The following NEU4 variants were observed in gnomAD, a reference collection of about 807,000 sequenced individuals.
NEU4 encodes sialidase-4.
NEU4 carries 7 observed loss-of-function variants against 9.9 expected under a neutral mutation model. The observed-to-expected ratio is 0.71, with a 90% CI of 0.40 to 1.33. The LOEUF is 1.33. Among genes scored for constraint, NEU4 ranks in the 40% most tolerant of loss-of-function variants. The pLI is 0.01. For synonymous variants in NEU4, 348 were observed against 316.9 expected, an observed-to-expected ratio of 1.10 and a Z score of -1.04; for missense variants, 717 against 712.6, an observed-to-expected ratio of 1.01 and a Z score of -0.07.
At chr2:241,810,740 G>T (rs1007535994) in intron 1 of NEU4, 5 of 155,674 alleles carry the variant, frequency 3.2e-5, no homozygotes, top group Admixed American at 2.0e-4. Context: ...GGACAGGCTG[G>T]GGGCAGGCCA....
At chr2:241,811,049 G>T in intron 1 of NEU4, 4 of 1,103,236 alleles carry the variant, frequency 3.6e-6, no homozygotes, top group Non-Finnish European at 4.4e-6. Flanking sequence ...AAGCCCAGAG[G>T]AGAGTGTGCA....
intron 1 of NEU4, chr2:241,813,599 A>G (rs1009319977): frequency 1.3e-5 from 15 of 1,179,096 alleles, no homozygotes; most frequent in Admixed American, 9.3e-5. Flanking sequence ...GTTGCCTGGG[A>G]GCAAACTCCC....
chr2:241,815,672 C>A, intron 3 of NEU4: 1 of 530,092 alleles, frequency 1.9e-6, no homozygotes, highest in Non-Finnish European at 3.7e-6. Context: ...ACAACTTTCC[C>A]TCCACCCCAT....
Position 241,814,640 on chromosome 2 carries a change from C to T in NEU4, c.156C>T (p.His52=). 1 of 1,588,660 alleles carries T rather than the reference C, an allele frequency of 6.3e-7. No individual in the cohort carries two copies. The highest frequency in any genetic ancestry group is 8.6e-7 in the Non-Finnish European group (1 of 1,168,788). The part of the protein sequence containing the change: ...QRLSPDDSHA[H]RLVLRRGTLA... ...TCAGCCCTGACGACTCCCACGCCCA[C>T]CGCCTGGTGCTGAGGAGGGGCACGC... Residue 52 remains histidine, a synonymous_variant, in exon 2 of 4, where the codon CAC becomes CAT. Coordinates refer to ENST00000407683, the MANE Select transcript of NEU4 (RefSeq NM_001167600.3).
At chr2:241,810,635 G>A (rs1402409463) in intron 1 of NEU4, 1 of 153,214 alleles carries the variant, frequency 6.5e-6, no homozygotes, top group East Asian at 1.9e-4. Flanking sequence ...TTCTGGCCTG[G>A]GCAGTGGTCA....
rs1413545645 is a variant in NEU4, at chr2:241,814,563, C to T, written c.79C>T (p.Leu27=). The T allele has an allele frequency of 1.2e-6, 2 of 1,612,498 alleles. No homozygotes were observed. Among genetic ancestry groups the T allele is most frequent in the East Asian group, 4.5e-5 (2 of 44,890 alleles). Residue 27 remains leucine, a synonymous_variant, in exon 2 of 4, where the codon CTG becomes TTG. Transcript: ENST00000407683. ...RTGLTYRVPS[L]LPVPPGPTLL... ...GGGCCTGACCTACCGCGTGCCCTCG[C>T]TGCTCCCCGTGCCCCCCGGGCCCAC...
At chr2:241,811,534 T>G (rs1700116648) in intron 1 of NEU4, 2 of 1,323,216 alleles carry the variant, frequency 1.5e-6, no homozygotes, top group Non-Finnish European at 2.0e-6. Context: ...GACCCGCTCC[T>G]GAGGTATCTG....
In NEU4 at chr2:241,817,319, C is replaced by T. The variant is rs1386233409; in HGVS notation, c.*271C>T. 4 of 457,934 alleles carry T rather than the reference C, an allele frequency of 8.7e-6. No homozygotes were observed. Among genetic ancestry groups the T allele is most frequent in the East Asian group, 6.7e-5 (2 of 29,908 alleles). The allele number at this position is 457,934 out of a possible 1,614,324, so 28.4% of individuals were successfully genotyped here. On this transcript the variant is annotated 3_prime_UTR_variant, in exon 4 of 4. Transcript: ENST00000407683. ...TCCCTTCCGAGGCTGCAGGGCCAGG[C>T]GCGGGACCGCAGGTAGCCCAGGGTG...
Position 241,814,362 on chromosome 2 carries a change from G to A in NEU4, c.-3-120G>A, listed in dbSNP as rs188105124. ...GACCCCAAGGTGGGTACAGGAAGAG[G>A]CCCAGGTGTGGGCAGGAGCTGTCTG... On this transcript the variant is annotated intron_variant, in intron 1 of 3. Coordinates refer to ENST00000407683, the MANE Select transcript of NEU4 (RefSeq NM_001167600.3). 54 of 925,522 alleles carry A rather than the reference G, an allele frequency of 5.8e-5. 2 individuals are homozygous for A. The highest frequency in any genetic ancestry group is 1.7e-6 in the Non-Finnish European group (1 of 601,522). 57.3% of individuals were successfully genotyped at this position (925,522 alleles called of 1,614,324 possible).
Position 241,816,381 on chromosome 2 carries a change from C to T in NEU4, c.788C>T (p.Ala263Val), listed in dbSNP as rs1700340941. 1 of 1,596,372 alleles carries T rather than the reference C, an allele frequency of 6.3e-7. No homozygotes were observed. Among genetic ancestry groups the T allele is most frequent in the African/African-American group, 1.3e-5 (1 of 74,574 alleles). ...GACGAGGGCACCTCCTTCCTGCCCG[C>T]AGAGCGCGTGGCTTCCCTGCCCGAG... ...STDEGTSFLP[A>V]ERVASLPETA... Residue 263 changes from alanine to valine, a missense_variant, in exon 4 of 4, where the codon GCA becomes GTA. By Grantham distance (64) the Ala-to-Val change is moderately conservative. Coordinates refer to ENST00000407683, the MANE Select transcript of NEU4 (RefSeq NM_001167600.3).
chr2:241,813,672 C>T lies in NEU4; in HGVS notation c.-3-810C>T, dbSNP rs950456749. On this transcript the variant is annotated intron_variant, in intron 1 of 3. Transcript: ENST00000407683. ...TGATTCCTGTGGGCGCTTCTCAGGT[C>T]AGGGCCCTGCAGGTGGGAAGCACCA... is the stretch of plus-strand genomic sequence containing the variant. The T allele has an allele frequency of 1.3e-5, 7 of 551,796 alleles. No individual in the cohort carries two copies. In the African/African-American group the frequency reaches 1.4e-4, roughly 11 times the overall value. 34.2% of individuals were successfully genotyped at this position (551,796 alleles called of 1,614,324 possible).
At chr2:241,811,131 G>A (rs1048313468) in intron 1 of NEU4, 13 of 1,214,722 alleles carry the variant, frequency 1.1e-5, no homozygotes, top group African/African-American at 7.8e-5. Context: ...GGTCAACTGC[G>A]GCCTCACAGC....
At chr2:241,810,868 G>T (rs1700092592) in intron 1 of NEU4, 1 of 910,800 alleles carries the variant, frequency 1.1e-6, no homozygotes, top group Admixed American at 9.0e-5. Context: ...AATGGGACTG[G>T]CAGGAGTCCT....
At chr2:241,815,940 G>T in intron 3 of NEU4, 111 bp from the exon 4 acceptor site, 1 of 1,092,254 alleles carries the variant, frequency 9.2e-7, no homozygotes, top group South Asian at 1.6e-5. Context: ...AGAGTGCGAT[G>T]GTCCTAACCC....
Position 241,809,254 on chromosome 2 carries a change from G to C in NEU4, c.-24G>C. 7.8e-7 allele frequency: 1 copy of C among 1,288,966 alleles called. No individual in the cohort carries two copies. Among genetic ancestry groups the C allele is most frequent in the Non-Finnish European group, 1.0e-6 (1 of 988,520 alleles). The allele number at this position is 1,288,966 out of a possible 1,614,324, so 79.8% of individuals were successfully genotyped here. On this transcript the variant is annotated 5_prime_UTR_variant, in exon 1 of 4. Transcript: ENST00000407683. Reference sequence around the variant, plus strand: ...ACCGTCCTTTTGTCTCTGCCTTTGAGGTTGGCGGGAACTGAAACTGGTACG... The same window carrying C: ...ACCGTCCTTTTGTCTCTGCCTTTGACGTTGGCGGGAACTGAAACTGGTACG...
chr2:241,816,199 C>T lies in NEU4; in HGVS notation c.606C>T (p.Ser202=), dbSNP rs200038042. 69 of 1,612,538 alleles carry T rather than the reference C, an allele frequency of 4.3e-5. No homozygotes were observed. Among genetic ancestry groups the T allele is most frequent in the East Asian group, 3.1e-4 (14 of 44,858 alleles). ...GCCCTCACTCCTTCGCCTTCTACAG[C>T]GATGACCACGGCCGCACCTGGCGCT... The part of the protein sequence containing the change: ...RTSPHSFAFY[S]DDHGRTWRCG... The change falls in exon 4 of 4, where the codon AGC becomes AGT. Residue 202 remains serine, a synonymous_variant. Coordinates refer to ENST00000407683, the MANE Select transcript of NEU4 (RefSeq NM_001167600.3).
intron 1 of NEU4, chr2:241,811,730 G>C (rs981451376): frequency 8.5e-5 from 33 of 387,712 alleles, no homozygotes; most frequent in Non-Finnish European, 1.4e-4. Flanking sequence ...GTGTGACACT[G>C]AGGGTTCCTG....
intron 1 of NEU4, chr2:241,811,424 C>T (rs1403579847): frequency 6.4e-7 from 1 of 1,561,138 alleles, no homozygotes; most frequent in Non-Finnish European, 8.7e-7. Flanking sequence ...GCGAGGCAGC[C>T]ACCCATGATG....
intron 3 of NEU4, 139 bp downstream of exon 3, chr2:241,815,286 T>G (rs1263572624): frequency 9.9e-7 from 1 of 1,014,252 alleles, no homozygotes; most frequent in African/African-American, 1.9e-5. Flanking sequence ...TCCCCAGGAC[T>G]GTTCTGCGCC....
Sources: gnomAD v4.1 joint callset for allele counts on GRCh38, gnomAD v4.1.1 for gene constraint, MANE v1.5 for transcripts, NCBI Gene and HGNC (gene_info 2026-07-23, HGNC 2026-07-21) for gene names.